PTGFR: variants seen among roughly 807,000 people sequenced by gnomAD.
PTGFR encodes the protein prostaglandin F receptor.
A neutral mutation model predicts 26.2 loss-of-function variants in PTGFR; 15 were observed. The ratio of observed to expected loss-of-function variants is 0.57; its 90% CI spans 0.38 to 0.88. The LOEUF (loss-of-function observed/expected upper bound fraction) is 0.88. PTGFR is among the 40% of genes least tolerant of loss of function. PTGFR has a pLI of 0.00. For missense variants in PTGFR, 369 were observed against 427.2 expected (o/e 0.86, Z 1.20); for synonymous variants, 165 against 151.1 (o/e 1.09, Z -0.68).
At chr1:78,494,484 G>A (rs140129141) in intron 2 of PTGFR, among the ~76,000 whole-genome samples, 1 of 152,364 alleles carries the variant, frequency 6.6e-6, no homozygotes, top group African/African-American at 2.4e-5. Flanking sequence ...TGGGGTGGAA[G>A]TAAGACAAAG....
rs796106629 is a variant in PTGFR at position 78,493,006 on chromosome 1, C to T, written c.263C>T (p.Ala88Val). The change falls in exon 2 of 3, where the codon GCA becomes GTA. Residue 88 changes from alanine (A) to valine (V), a missense_variant. Ala to Val is a moderately conservative substitution (Grantham distance 64). Coordinates refer to ENST00000370757, the MANE Select transcript of PTGFR (RefSeq NM_000959.4). The part of the protein sequence containing the change: ...FFGHLINGAI[A>V]VFVYASDKEW... ...GGCCATCTCATCAATGGAGCCATAG[C>T]AGTATTTGTATATGCTTCTGATAAA... 7.4e-6 allele frequency: 12 copies of T among 1,614,200 alleles called. No individual in the cohort carries two copies. The Middle Eastern group carries it at 6.6e-4, about 89-fold the overall frequency.
rs894900435 is a variant in PTGFR at position 78,538,495 on chromosome 1, A to G, written c.*1808A>G. On this transcript the variant is annotated 3_prime_UTR_variant, in exon 3 of 3. Transcript: ENST00000370757. ...ATGTTTGGGTAACCAAATTGGTCTT[A>G]AAAATGATGTTAACCCAAGAAGTAG... 1.3e-5 allele frequency: 2 copies of G among 151,908 alleles called. No individual in the cohort carries two copies. Among genetic ancestry groups the G allele is most frequent in the South Asian group, 4.1e-4 (2 of 4,824 alleles). 9.4% of individuals were successfully genotyped at this position (151,908 alleles called of 1,614,324 possible). A position where few individuals can be genotyped will look rare whatever the true frequency, so the allele number is the denominator to read the frequency against.
intron 2 of PTGFR, among the ~76,000 whole-genome samples, chr1:78,530,822 C>T (rs1650489176): frequency 6.6e-6 from 1 of 152,098 alleles, no homozygotes; most frequent in African/African-American, 2.4e-5. Flanking sequence ...ATTTGAAATC[C>T]AGATAGACTT....
intron 2 of PTGFR, among the ~76,000 whole-genome samples, chr1:78,507,431 A>G (rs1363647448): frequency 6.6e-6 from 1 of 152,168 alleles, no homozygotes; most frequent in Non-Finnish European, 1.5e-5. Context: ...GGAATGAAAT[A>G]CCACATTTAG....
chr1:78,517,116 C>T (rs76799733), intron 2 of PTGFR, among the ~76,000 whole-genome samples: 12,625 of 152,162 alleles, frequency 0.083, 874 homozygotes, highest in African/African-American at 0.19. Flanking sequence ...AGTAAAAATT[C>T]GCTATATGAA....
intron 2 of PTGFR, among the ~76,000 whole-genome samples, chr1:78,519,284 G>A (rs1354691778): frequency 6.6e-6 from 1 of 152,074 alleles, no homozygotes; most frequent in East Asian, 1.9e-4. Context: ...CACTACCTGA[G>A]TTTGAACATA....
rs77519038 is a variant in PTGFR, at chr1:78,509,073, G to A, written c.798+15532G>A. On this transcript the variant is annotated intron_variant, in intron 2 of 2. Transcript: ENST00000370757. ...CTCATGCTTGCAGTGCCTCTTGGTT[G>A]GACTCCGGAATTCTGACATTAAAAA... Among the ~76,000 whole-genome samples the A allele has an allele frequency of 1.7e-3, 265 of 152,112 alleles. 1 individual carries two copies. Among genetic ancestry groups the A allele is most frequent in the African/African-American group, 6.1e-3 (255 of 41,486 alleles).
chr1:78,514,712 A>G (rs1017809644), intron 2 of PTGFR, among the ~76,000 whole-genome samples: 1 of 152,156 alleles, frequency 6.6e-6, no homozygotes, highest in Admixed American at 6.5e-5. Flanking sequence ...TTGAAATGTG[A>G]TTCCTAAAGT....
intron 2 of PTGFR, chr1:78,497,768 G>A (rs1268358214): frequency 1.3e-6 from 1 of 748,816 alleles, no homozygotes; most frequent in Non-Finnish European, 2.3e-6. Flanking sequence ...GAAACCAAAT[G>A]GTAATTTTAA....
At chr1:78,497,312 C>T (rs779892976) in intron 2 of PTGFR, among the ~76,000 whole-genome samples, 1 of 152,106 alleles carries the variant, frequency 6.6e-6, no homozygotes, top group Non-Finnish European at 1.5e-5. Flanking sequence ...GAAACTACAA[C>T]TGACGCTTAT....
At chr1:78,524,221 A>G (rs998863408) in intron 2 of PTGFR, among the ~76,000 whole-genome samples, 1 of 151,924 alleles carries the variant, frequency 6.6e-6, no homozygotes, top group African/African-American at 2.4e-5. Flanking sequence ...CATCCCTTCC[A>G]CACCATACTC....
At position 78,536,466 on chromosome 1, in the gene PTGFR, C is replaced by A; in HGVS notation, c.859C>A (p.Leu287Ile). ...NHSLETCETTLFALRMATWNQ... is the reference protein window; with the variant it reads ...NHSLETCETTIFALRMATWNQ... ...TTCTCTGGAAACCTGTGAAACAACA[C>A]TTTTTGCTCTCCGAATGGCAACATG... Residue 287 changes from leucine to isoleucine, a missense_variant, in exon 3 of 3, where the codon CTT (leucine) becomes ATT (isoleucine). Coordinates refer to ENST00000370757, the MANE Select transcript of PTGFR (RefSeq NM_000959.4). The A allele has an allele frequency of 6.2e-7, 1 of 1,613,066 alleles. No individual in the cohort carries two copies. The highest frequency in any genetic ancestry group is 8.5e-7 in the Non-Finnish European group (1 of 1,179,364).
intron 1 of PTGFR, among the ~76,000 whole-genome samples, 155 bp from the exon 2 acceptor site, chr1:78,492,517 C>A (rs1212882337): frequency 6.6e-6 from 1 of 152,132 alleles, no homozygotes; most frequent in Non-Finnish European, 1.5e-5. Context: ...AATGTGGAAC[C>A]GCAGGCAGAT....
At chr1:78,512,273 G>C (rs1329664298) in intron 2 of PTGFR, among the ~76,000 whole-genome samples, 2 of 152,124 alleles carry the variant, frequency 1.3e-5, no homozygotes, top group African/African-American at 2.4e-5. Context: ...AATTTTCAAT[G>C]TTAGTTCATT....
At chr1:78,507,964 G>T (rs937974636) in intron 2 of PTGFR, among the ~76,000 whole-genome samples, 4 of 152,092 alleles carry the variant, frequency 2.6e-5, no homozygotes, top group Admixed American at 2.0e-4. Flanking sequence ...TCATTTACTT[G>T]TATAAAGAAG....
At chr1:78,526,645 G>T (rs1168707399) in intron 2 of PTGFR, among the ~76,000 whole-genome samples, 1 of 152,014 alleles carries the variant, frequency 6.6e-6, no homozygotes, top group Non-Finnish European at 1.5e-5. Context: ...AAAGAATGGG[G>T]TCACCATATA....
At chr1:78,532,643 C>G (rs1434567919) in intron 2 of PTGFR, among the ~76,000 whole-genome samples, 2 of 151,248 alleles carry the variant, frequency 1.3e-5, no homozygotes, top group African/African-American at 4.9e-5. Flanking sequence ...TCTCTGCTCA[C>G]TGCAACCTCT....
At position 78,538,130 on chromosome 1, in the gene PTGFR, A is replaced by G. The variant is rs1297846579; in HGVS notation, c.*1443A>G. ...TTTATTTGCTTTCAGCAGAGAATTT[A>G]TTTCATACAGTTACTTAAGAGTGTT... On this transcript the variant is annotated 3_prime_UTR_variant, in exon 3 of 3. Transcript: ENST00000370757. The G allele has an allele frequency of 6.6e-6, 1 of 152,132 alleles. No individual in the cohort carries two copies. Among genetic ancestry groups the G allele is most frequent in the African/African-American group, 2.4e-5 (1 of 41,454 alleles). The allele number at this position is 152,132 out of a possible 1,614,324, so 9.4% of individuals were successfully genotyped here. A position where few individuals can be genotyped will look rare whatever the true frequency, so the allele number is the denominator to read the frequency against.
intron 2 of PTGFR, among the ~76,000 whole-genome samples, chr1:78,523,508 A>G (rs535147152): frequency 1.3e-5 from 2 of 152,208 alleles, no homozygotes; most frequent in Non-Finnish European, 2.9e-5. Flanking sequence ...GAGCTGAAGA[A>G]TAAGTTTTGT....
Sources: gnomAD v4.1 joint callset for allele counts (sites outside exome capture counted in the v4.1 genomes callset) on GRCh38, gnomAD v4.1.1 for gene constraint, MANE v1.5 for transcripts, NCBI Gene and HGNC (gene_info 2026-07-23, HGNC 2026-07-21) for gene names.